AXL: variants seen among roughly 807,000 people sequenced by gnomAD.
AXL encodes AXL receptor tyrosine kinase.
Under a neutral mutation model 104.5 loss-of-function variants are expected in AXL, and 52 were observed. The ratio of observed to expected loss-of-function variants is 0.50; its 90% CI spans 0.40 to 0.63. The LOEUF is 0.63. Ranked by LOEUF, AXL falls within the 20% of genes least tolerant of loss-of-function variation. The probability of loss-of-function intolerance (pLI) is 0.00; values close to 1 mark genes in which losing one functional copy is unlikely to be tolerated. For missense variants in AXL, 1,024 were observed against 1,188.5 expected, an observed-to-expected ratio of 0.86 and a Z score of 2.04; for synonymous variants, 455 against 473.7, an observed-to-expected ratio of 0.96 and a Z score of 0.51.
chr19:41,259,466 T>C (rs1223728245), intron 19 of AXL, 87 bp from the exon 20 acceptor site: 2 of 1,184,890 alleles, frequency 1.7e-6, no homozygotes, highest in African/African-American at 3.1e-5. Context: ...CCCAGTCCCC[T>C]GAGTGTCCTA....
At chr19:41,233,189 C>T (rs1225345663) in intron 6 of AXL, among the ~76,000 whole-genome samples, 1 of 151,944 alleles carries the variant, frequency 6.6e-6, no homozygotes, top group Non-Finnish European at 1.5e-5. Context: ...AGGGTTTCAC[C>T]ATGTTGGTCA....
Position 41,252,909 on chromosome 19 carries a change from T to C in AXL, c.1868T>C (p.Met623Thr), listed in dbSNP as rs1568417786. Residue 623 changes from methionine (M) to threonine (T), a missense_variant, in exon 16 of 20, where the codon ATG becomes ACG. Around this residue, in one of 5 missense-constraint regions of AXL, gnomAD observed 523 missense variants for 636.0 expected, o/e 0.82. Transcript: ENST00000301178. ...GCACCTGTGGTCATCTTACCTTTCA[T>C]GAAACATGGAGACCTACACAGCTTC... ...FPAPVVILPFMKHGDLHSFLL... is the reference protein window; with the variant it reads ...FPAPVVILPFTKHGDLHSFLL... 5 of 1,610,258 alleles carry C rather than the reference T, an allele frequency of 3.1e-6. No individual in the cohort carries two copies. Among genetic ancestry groups the C allele is most frequent in the Non-Finnish European group, 3.4e-6 (4 of 1,178,432 alleles).
rs868015563 is a variant in AXL at position 41,257,590 on chromosome 19, G to A, written c.2294G>A (p.Gly765Glu). 6.2e-7 allele frequency: 1 copy of A among 1,614,178 alleles called. No homozygotes were observed. Among genetic ancestry groups the A allele is most frequent in the South Asian group, 1.1e-5 (1 of 91,090 alleles). The stretch of plus-strand genomic sequence containing the variant: ...GAGATTTATGACTATCTGCGCCAGG[G>A]AAATCGCCTGAAGCAGCCTGCGGAC... Reference protein sequence around the residue: ...NSEIYDYLRQGNRLKQPADCL... With the variant: ...NSEIYDYLRQENRLKQPADCL... The change falls in exon 19 of 20, where the codon GGA (glycine) becomes GAA (glutamate). Residue 765 changes from glycine to glutamate, a missense_variant. Coordinates refer to ENST00000301178, the MANE Select transcript of AXL (RefSeq NM_021913.5).
In AXL at chr19:41,221,958, A is replaced by AG; in HGVS notation, c.491dup (p.Pro165ThrfsTer45). 1.2e-6 allele frequency: 2 copies of AG among 1,612,670 alleles called. No individual in the cohort carries two copies. Among genetic ancestry groups the AG allele is most frequent in the Non-Finnish European group, 1.7e-6 (2 of 1,179,366 alleles). ...CCCTTCAACCTGAGCTGCCAAGCTC[A>AG]GGGACCCCCAGAGCCCGTGGACCTA... is the stretch of plus-strand genomic sequence containing the variant. On this transcript the variant is annotated frameshift_variant, in exon 4 of 20. Transcript: ENST00000301178. LOFTEE classifies it high-confidence loss of function.
rs748486224 is a variant in AXL, at chr19:41,242,888, G to C, written c.1318G>C (p.Glu440Gln). ...QAQPVHQLVKEPSTPAFSWPW... is the reference protein window; with the variant it reads ...QAQPVHQLVKQPSTPAFSWPW... ...TTCCTCATACCCCCTGATAGTGAAGGAACCTTCAACTCCTGCCTTCTCGTG... is the reference window on the plus strand; with the variant it reads ...TTCCTCATACCCCCTGATAGTGAAGCAACCTTCAACTCCTGCCTTCTCGTG... Residue 440 changes from glutamate to glutamine, a missense_variant, in exon 11 of 20, where the codon GAA (glutamate) becomes CAA (glutamine). Physicochemically the swap from Glu to Gln is conservative, Grantham distance 29. Coordinates refer to ENST00000301178, the MANE Select transcript of AXL (RefSeq NM_021913.5). 2.5e-6 allele frequency: 4 copies of C among 1,614,190 alleles called. 1 individual carries two copies. In the Admixed American group the frequency reaches 6.7e-5, roughly 27 times the overall value.
intron 1 of AXL, chr19:41,220,309 A>C: frequency 4.1e-6 from 1 of 243,404 alleles, no homozygotes; most frequent in Non-Finnish European, 8.0e-6. Flanking sequence ...CACCAGCACC[A>C]GCGCGACCTG....
At chr19:41,242,769 G>C in intron 10 of AXL, 114 bp from the exon 11 acceptor site, 2 of 1,360,258 alleles carry the variant, frequency 1.5e-6, no homozygotes, top group South Asian at 2.6e-5. Context: ...ACCTCATCAA[G>C]TATGTGCACA....
chr19:41,253,733 C>A (rs368559589), intron 17 of AXL, 25 bp downstream of exon 17: 77 of 1,537,662 alleles, frequency 5.0e-5, no homozygotes, highest in East Asian at 2.1e-4. Context: ...GGGACCCCCC[C>A]CCCCCAACTG....
At chr19:41,253,917 G>A (rs1017537902) in intron 17 of AXL, among the ~76,000 whole-genome samples, 1 of 152,002 alleles carries the variant, frequency 6.6e-6, no homozygotes, top group Non-Finnish European at 1.5e-5. Context: ...TTTGGATGCG[G>A]AGAGGGAAGA....
rs759789390 is a variant in AXL, at chr19:41,253,716, C to T, written c.2036+8C>T. The T allele has an allele frequency of 1.9e-6, 3 of 1,569,258 alleles. No individual in the cohort carries two copies. Among genetic ancestry groups the T allele is most frequent in the East Asian group, 2.3e-5 (1 of 43,696 alleles). ...GGCGGCCAGGAACTGCATGTGAGTG[C>T]CTTTCAGGGACCCCCCCCCCCCAAC... On this transcript the variant is annotated splice_region_variant and intron_variant, in intron 17 of 19. Transcript: ENST00000301178.
rs187026379 is a variant in AXL, at chr19:41,242,392, C to T, written c.1313-491C>T. ...AGGATGGAGTGCAGTGGCCCAGTCT[C>T]GGCTCACTGAAACCTCCACCTCCCA... is the stretch of plus-strand genomic sequence containing the variant. On this transcript the variant is annotated intron_variant, in intron 10 of 19. Transcript: ENST00000301178. Among the ~76,000 whole-genome samples, 334 of 142,502 alleles carry T rather than the reference C, an allele frequency of 2.3e-3. 1 individual carries two copies. The highest frequency in any genetic ancestry group is 3.4e-3 in the Non-Finnish European group (227 of 66,784). 93.5% of individuals were successfully genotyped at this position (142,502 alleles called of 152,430 possible). A position where few individuals can be genotyped will look rare whatever the true frequency, so the allele number is the denominator to read the frequency against.
chr19:41,250,415 G>A (rs908813473), intron 14 of AXL, among the ~76,000 whole-genome samples: 1 of 152,096 alleles, frequency 6.6e-6, no homozygotes, highest in Non-Finnish European at 1.5e-5. Context: ...AGCACCTCCT[G>A]TGTACCAGGT....
intron 6 of AXL, among the ~76,000 whole-genome samples, chr19:41,235,514 G>A (rs1325949611): frequency 2.6e-5 from 4 of 152,172 alleles, no homozygotes; most frequent in Non-Finnish European, 4.4e-5. Context: ...TTACAGGTGA[G>A]AAGACTGAGG....
In AXL at chr19:41,252,578, C is replaced by A. The variant is rs2034383659; in HGVS notation, c.1804+135C>A. ...CCGCTCCTTCAGGGTCAGCAGGCTT[C>A]CCCCTCCTAGTCTCCCTCAGCTTGG... On this transcript the variant is annotated intron_variant, in intron 15 of 19. Coordinates refer to ENST00000301178, the MANE Select transcript of AXL (RefSeq NM_021913.5). The A allele has an allele frequency of 3.6e-6, 4 of 1,108,658 alleles. No homozygotes were observed. The Admixed American group carries it at 9.7e-5, about 27-fold the overall frequency. 68.7% of individuals were successfully genotyped at this position (1,108,658 alleles called of 1,614,324 possible).
Position 41,246,611 on chromosome 19 carries a change from A to G in AXL, c.1538-1903A>G, listed in dbSNP as rs142989989. On this transcript the variant is annotated intron_variant, in intron 12 of 19. Coordinates refer to ENST00000301178, the MANE Select transcript of AXL (RefSeq NM_021913.5). ...ACACCTATAATTCCAGCTGCTCAGG[A>G]GGGTGAGGCAGGGGAATCACTTGAA... Among the ~76,000 whole-genome samples the G allele has an allele frequency of 1.7e-3, 261 of 151,974 alleles. 1 individual carries two copies. Among genetic ancestry groups the G allele is most frequent in the African/African-American group, 6.0e-3 (249 of 41,486 alleles).
rs1350492262 is a variant in AXL at position 41,260,027 on chromosome 19, TATCCCACCTCC to T, written c.*130_*140del. The T allele has an allele frequency of 1.1e-6, 1 of 871,866 alleles. No individual in the cohort carries two copies. The highest frequency in any genetic ancestry group is 1.7e-5 in the African/African-American group (1 of 58,576). 54.0% of individuals were successfully genotyped at this position (871,866 alleles called of 1,614,324 possible). A position where few individuals can be genotyped will look rare whatever the true frequency, so the allele number is the denominator to read the frequency against. On this transcript the variant is annotated 3_prime_UTR_variant, in exon 20 of 20. Coordinates refer to ENST00000301178, the MANE Select transcript of AXL (RefSeq NM_021913.5). ...CCACTTGCAGCCCTGTCTTCCTACC[TATCCCACCTCC>T]ATCCCAGACAGGTCCCTCCCCTTCT...
chr19:41,233,252 A>C (rs1477072857), intron 6 of AXL, among the ~76,000 whole-genome samples: 1 of 151,996 alleles, frequency 6.6e-6, no homozygotes, highest in African/African-American at 2.4e-5. Flanking sequence ...GGCCTCCCAA[A>C]GTGCTGGGAT....
chr19:41,252,707 T>A, intron 15 of AXL, 139 bp from the exon 16 acceptor site: 1 of 1,469,600 alleles, frequency 6.8e-7, no homozygotes, highest in South Asian at 1.4e-5. Flanking sequence ...AGCTTGGTCC[T>A]TGCCACTGCC....
chr19:41,238,302 C>T, intron 7 of AXL, 148 bp downstream of exon 7: 1 of 1,422,750 alleles, frequency 7.0e-7, no homozygotes, highest in Non-Finnish European at 9.7e-7. Flanking sequence ...GCAGCACTGC[C>T]CGCTGGCCTC....
Sources: gnomAD v4.1 joint callset for allele counts (sites outside exome capture counted in the v4.1 genomes callset) on GRCh38, gnomAD v4.1.1 for gene constraint, gnomAD v4.1.1 regional missense constraint, MANE v1.5 for transcripts, NCBI Gene and HGNC (gene_info 2026-07-23, HGNC 2026-07-21) for gene names.